The following TEC variants were observed in gnomAD, a reference collection of about 807,000 sequenced individuals.
TEC encodes the protein tec protein tyrosine kinase.
In TEC, 72 loss-of-function variants were observed where a neutral mutation model predicts 93.0. That is an observed-to-expected ratio of 0.77 (90% CI 0.64 to 0.94). The LOEUF (loss-of-function observed/expected upper bound fraction) is 0.94, where lower values mean the gene tolerates loss of function less well. Ranked by LOEUF, TEC falls within the 40% of genes least tolerant of loss-of-function variation. The pLI is 0.00. For synonymous variants in TEC, 249 were observed against 247.7 expected, an observed-to-expected ratio of 1.01 and a Z score of -0.05; for missense variants, 630 against 757.9, an observed-to-expected ratio of 0.83 and a Z score of 1.98.
At chr4:48,150,082 C>T (rs981497523) in intron 10 of TEC, among the ~76,000 whole-genome samples, 1 of 152,122 alleles carries the variant, frequency 6.6e-6, no homozygotes, top group Non-Finnish European at 1.5e-5. Flanking sequence ...ACTTGAGGGA[C>T]CTTTCTAGAG....
chr4:48,175,367 A>C (rs1721280350), intron 3 of TEC, among the ~76,000 whole-genome samples: 1 of 152,252 alleles, frequency 6.6e-6, no homozygotes. Context: ...AGCCATGGGT[A>C]AAAGGCGACT....
intron 2 of TEC, among the ~76,000 whole-genome samples, chr4:48,196,497 C>T (rs578036929): frequency 5.3e-4 from 80 of 152,290 alleles, no homozygotes; most frequent in African/African-American, 1.7e-3. Context: ...TTTGGAAGAA[C>T]GCTGACAAAC....
chr4:48,152,435 CATAAATAA>C (rs3062030), intron 9 of TEC, among the ~76,000 whole-genome samples: 1,622 of 149,704 alleles, frequency 0.011, 22 homozygotes, highest in African/African-American at 0.026. Context: ...GAGATACTAT[CATAAATAA>C]ATAAATAAAT....
chr4:48,166,987 G>A lies in TEC; in HGVS notation c.671+791C>T, dbSNP rs542474650. 2.6e-5 allele frequency among the ~76,000 whole-genome samples: 4 copies of A among 151,866 alleles called. 1 individual carries two copies. The highest frequency in any genetic ancestry group is 7.2e-5 in the African/African-American group (3 of 41,412). ...GGCAGGTGGAAGAAGAGTGTGCTCT[G>A]GCAGGACAAAAAGTTCTCCTCTTCT... On this transcript the variant is annotated intron_variant, in intron 7 of 17. Coordinates refer to ENST00000381501, the MANE Select transcript of TEC (RefSeq NM_003215.3).
At chr4:48,268,518 A>G (rs1724699253) in intron 1 of TEC, among the ~76,000 whole-genome samples, 1 of 152,248 alleles carries the variant, frequency 6.6e-6, no homozygotes, top group Non-Finnish European at 1.5e-5. Flanking sequence ...CAAATACATA[A>G]TGTGAAAGTT....
intron 2 of TEC, among the ~76,000 whole-genome samples, chr4:48,217,753 G>A (rs1205366253): frequency 6.6e-6 from 1 of 152,178 alleles, no homozygotes; most frequent in East Asian, 1.9e-4. Flanking sequence ...GGGGCAGGGA[G>A]GGTGAGGAAT....
chr4:48,143,527 T>C (rs996119942), intron 14 of TEC, among the ~76,000 whole-genome samples: 1 of 152,198 alleles, frequency 6.6e-6, no homozygotes, highest in African/African-American at 2.4e-5. Context: ...ATTGCCCCAG[T>C]CAAATAATGT....
rs1276254020 is a variant in TEC, at chr4:48,157,476, C to A, written c.738-742G>T. Reference sequence around the variant, plus strand: ...TGGTCTTCCCTCCCACCAGATCTTTCCACCACCCTGTGCCACATCCCAAGG... The same window carrying A: ...TGGTCTTCCCTCCCACCAGATCTTTACACCACCCTGTGCCACATCCCAAGG... On this transcript the variant is annotated intron_variant, in intron 8 of 17. Transcript: ENST00000381501. Among the ~76,000 whole-genome samples the A allele has an allele frequency of 2.0e-5, 3 of 152,312 alleles. No homozygotes were observed. In the East Asian group the frequency reaches 5.8e-4, roughly 29 times the overall value.
intron 2 of TEC, among the ~76,000 whole-genome samples, chr4:48,208,698 T>G (rs1366944998): frequency 1.3e-5 from 2 of 152,168 alleles, no homozygotes; most frequent in Non-Finnish European, 2.9e-5. Flanking sequence ...CGGCTTTACT[T>G]TTCTCATGGC....
intron 2 of TEC, among the ~76,000 whole-genome samples, chr4:48,180,948 A>T (rs1038017232): frequency 6.6e-6 from 1 of 152,192 alleles, no homozygotes; most frequent in Non-Finnish European, 1.5e-5. Flanking sequence ...GTGGCAGTAA[A>T]GTAAGAAAAG....
At chr4:48,156,643 T>C (rs1720414727) in intron 9 of TEC, 37 bp downstream of exon 9, 6 of 1,585,266 alleles carry the variant, frequency 3.8e-6, no homozygotes, top group Non-Finnish European at 5.1e-6. Context: ...TAAAATTAAT[T>C]TGCCCTTAAG....
At chr4:48,144,954 T>G (rs1719841415) in intron 14 of TEC, 125 bp downstream of exon 14, 1 of 813,292 alleles carries the variant, frequency 1.2e-6, no homozygotes, top group Admixed American at 2.3e-5. Flanking sequence ...TTTACCAACT[T>G]TAAAAATAAT....
At chr4:48,214,397 C>T (rs1246844865) in intron 2 of TEC, among the ~76,000 whole-genome samples, 1 of 152,150 alleles carries the variant, frequency 6.6e-6, no homozygotes, top group African/African-American at 2.4e-5. Flanking sequence ...ACCAAAGCTT[C>T]AAAGGTAGGA....
chr4:48,175,573 T>C (rs1319992553), intron 3 of TEC, among the ~76,000 whole-genome samples: 1 of 152,164 alleles, frequency 6.6e-6, no homozygotes, highest in African/African-American at 2.4e-5. Flanking sequence ...ACCCTCCTCT[T>C]CTGGAGAGGA....
At chr4:48,207,763 G>A (rs538359015) in intron 2 of TEC, among the ~76,000 whole-genome samples, 1 of 152,236 alleles carries the variant, frequency 6.6e-6, no homozygotes, top group African/African-American at 2.4e-5. Flanking sequence ...ACTCCAGCCT[G>A]GGCGACAGAG....
intron 2 of TEC, among the ~76,000 whole-genome samples, chr4:48,205,661 CA>C (rs1320085209): frequency 8.0e-5 from 7 of 87,430 alleles, no homozygotes; most frequent in Non-Finnish European, 1.6e-4. Flanking sequence ...ACTTCACACT[CA>C]CTAGGACAGC....
chr4:48,247,422 A>G (rs1429387265), intron 1 of TEC, among the ~76,000 whole-genome samples: 1 of 152,242 alleles, frequency 6.6e-6, no homozygotes, highest in Non-Finnish European at 1.5e-5. Context: ...ACATTCACAC[A>G]AAAACTTGTA....
intron 2 of TEC, among the ~76,000 whole-genome samples, chr4:48,203,735 T>G (rs1208079507): frequency 6.6e-6 from 1 of 151,968 alleles, no homozygotes; most frequent in Admixed American, 6.5e-5. Context: ...CAGAGAAAAG[T>G]TACTGAGAAT....
At chr4:48,261,513 T>C (rs555489093) in intron 1 of TEC, among the ~76,000 whole-genome samples, 5 of 152,250 alleles carry the variant, frequency 3.3e-5, no homozygotes, top group South Asian at 4.1e-4. Flanking sequence ...CAAGTCGTGG[T>C]TGAAACATAA....
Sources: gnomAD v4.1 joint callset for allele counts (sites outside exome capture counted in the v4.1 genomes callset) on GRCh38, gnomAD v4.1.1 for gene constraint, MANE v1.5 for transcripts, NCBI Gene and HGNC (gene_info 2026-07-23, HGNC 2026-07-21) for gene names.